TESK2: variants seen among roughly 807,000 people sequenced by gnomAD.
TESK2 encodes dual specificity testis-specific protein kinase 2.
TESK2 carries 39 observed loss-of-function variants against 57.1 expected under a neutral mutation model. That is an observed-to-expected ratio of 0.68 (90% confidence interval 0.53 to 0.89). The LOEUF (loss-of-function observed/expected upper bound fraction) is 0.89. TESK2 is among the 40% of genes least tolerant of loss of function. TESK2 has a pLI of 0.00. For synonymous variants in TESK2, 249 were observed against 267.9 expected, an observed-to-expected ratio of 0.93 and a Z score of 0.69; for missense variants, 646 against 732.1, an observed-to-expected ratio of 0.88 and a Z score of 1.36.
At chr1:45,475,455 C>T (rs1346207881) in intron 1 of TESK2, among the ~76,000 whole-genome samples, 2 of 152,126 alleles carry the variant, frequency 1.3e-5, no homozygotes, top group Non-Finnish European at 2.9e-5. Context: ...GATCCACCTG[C>T]CTCAGCCTCC....
intron 2 of TESK2, among the ~76,000 whole-genome samples, chr1:45,440,922 C>T (rs186593635): frequency 6.6e-6 from 1 of 152,034 alleles, no homozygotes; most frequent in East Asian, 1.9e-4. Flanking sequence ...CAGTGACCTG[C>T]AAGGAACTGA....
chr1:45,352,458 T>TG (rs370265111), intron 5 of TESK2, among the ~76,000 whole-genome samples: 23 of 152,262 alleles, frequency 1.5e-4, no homozygotes, highest in African/African-American at 5.5e-4. Context: ...GAACCACACT[T>TG]GGACACTAGC....
At chr1:45,384,652 C>T (rs1263832533) in intron 4 of TESK2, among the ~76,000 whole-genome samples, 1 of 112,838 alleles carries the variant, frequency 8.9e-6, no homozygotes, top group Non-Finnish European at 1.7e-5. Flanking sequence ...TGCTATGTTG[C>T]CCAGGCTGGT....
intron 3 of TESK2, among the ~76,000 whole-genome samples, chr1:45,414,379 G>T (rs553405758): frequency 6.6e-6 from 1 of 152,186 alleles, no homozygotes; most frequent in Non-Finnish European, 1.5e-5. Context: ...TATACTTGCA[G>T]TGTGACAGTT....
chr1:45,420,346 C>A (rs577138308), intron 3 of TESK2, among the ~76,000 whole-genome samples: 6 of 152,116 alleles, frequency 3.9e-5, no homozygotes, highest in African/African-American at 1.2e-4. Context: ...TCAAGAGATC[C>A]TCCCACCTCA....
intron 1 of TESK2, among the ~76,000 whole-genome samples, chr1:45,467,169 A>G (rs1652584884): frequency 6.6e-6 from 1 of 152,210 alleles, no homozygotes; most frequent in Non-Finnish European, 1.5e-5. Context: ...ATGGACTGCC[A>G]ATAATATTTT....
At position 45,345,241 on chromosome 1, in the gene TESK2, G is replaced by C; in HGVS notation, c.1315C>G (p.Pro439Ala). The C allele has an allele frequency of 6.2e-7, 1 of 1,614,200 alleles. No individual in the cohort carries two copies. The highest frequency in any genetic ancestry group is 8.5e-7 in the Non-Finnish European group (1 of 1,180,044). ...DLDAPGPGTM[P>A]LADWQEPLAP... ...AGGGGCTCCTGCCAGTCAGCCAGGG[G>C]CATAGTTCCGGGCCCTGGTGCATCC... The change falls in exon 11 of 11, where the codon CCC (proline) becomes GCC (alanine). Residue 439 changes from proline to alanine, a missense_variant. Physicochemically the swap from Pro to Ala is conservative, Grantham distance 27. Coordinates refer to ENST00000372086, the MANE Select transcript of TESK2 (RefSeq NM_007170.3).
chr1:45,474,781 ATC>A (rs1263173640), intron 1 of TESK2, among the ~76,000 whole-genome samples: 1 of 140,878 alleles, frequency 7.1e-6, no homozygotes, highest in South Asian at 2.2e-4. Flanking sequence ...CCTGGCCTCC[ATC>A]TCTTTTTTTT....
At chr1:45,417,245 T>G (rs1198065301) in intron 3 of TESK2, among the ~76,000 whole-genome samples, 2 of 152,036 alleles carry the variant, frequency 1.3e-5, no homozygotes, top group African/African-American at 4.8e-5. Flanking sequence ...TTTTTTGTTG[T>G]TTTTTGAGAC....
At chr1:45,459,210 A>T (rs141005278) in intron 1 of TESK2, among the ~76,000 whole-genome samples, 34 of 152,380 alleles carry the variant, frequency 2.2e-4, no homozygotes, top group African/African-American at 8.2e-4. Flanking sequence ...AATAGAAGCC[A>T]TGTAAACTCA....
chr1:45,354,799 A>AT (rs1647337431), intron 5 of TESK2, among the ~76,000 whole-genome samples: 1 of 63,280 alleles, frequency 1.6e-5, no homozygotes, highest in Non-Finnish European at 2.7e-5. Context: ...AAAAAAAAAA[A>AT]AAAAAAAAAA....
chr1:45,463,401 G>A (rs1652413764), intron 1 of TESK2, among the ~76,000 whole-genome samples: 1 of 152,140 alleles, frequency 6.6e-6, no homozygotes, highest in African/African-American at 2.4e-5. Context: ...ATTTTGATCA[G>A]ATTTTTGATT....
chr1:45,413,474 G>T (rs965550262), intron 3 of TESK2, among the ~76,000 whole-genome samples: 3 of 152,236 alleles, frequency 2.0e-5, no homozygotes, highest in African/African-American at 7.2e-5. Context: ...GGTATGCCCA[G>T]AGGATTAAAT....
chr1:45,374,380 T>G (rs1648323253), intron 4 of TESK2, among the ~76,000 whole-genome samples: 1 of 152,220 alleles, frequency 6.6e-6, no homozygotes, highest in Non-Finnish European at 1.5e-5. Context: ...AAACTTGATT[T>G]AAATCCTAGC....
Position 45,344,040 on chromosome 1 carries a change from C to G in TESK2, c.*800G>C, listed in dbSNP as rs555210647. On this transcript the variant is annotated 3_prime_UTR_variant, in exon 11 of 11. Transcript: ENST00000372086. Reference sequence around the variant, plus strand: ...GTAAGGACAGACTGTTCCCAAAGCTCCAGCCATGGCAGGAAGGGAAGCAAA... The same window carrying G: ...GTAAGGACAGACTGTTCCCAAAGCTGCAGCCATGGCAGGAAGGGAAGCAAA... 1 of 239,912 alleles carries G rather than the reference C, an allele frequency of 4.2e-6. No homozygotes were observed. The highest frequency in any genetic ancestry group is 5.0e-5 in the Admixed American group (1 of 19,864). 14.9% of individuals were successfully genotyped at this position (239,912 alleles called of 1,614,324 possible).
chr1:45,367,261 A>C (rs1647965970), intron 4 of TESK2, among the ~76,000 whole-genome samples: 1 of 152,198 alleles, frequency 6.6e-6, no homozygotes. Context: ...TTAGTGTTAT[A>C]TTCAAAAAAA....
At chr1:45,411,095 C>T (rs980457096) in intron 3 of TESK2, among the ~76,000 whole-genome samples, 2 of 152,194 alleles carry the variant, frequency 1.3e-5, no homozygotes, top group Admixed American at 6.6e-5. Context: ...TCTACAATTT[C>T]TTACTGCTTG....
rs920105291 is a variant in TESK2, at chr1:45,415,025, G to A, written c.344+6700C>T. On this transcript the variant is annotated intron_variant, in intron 3 of 10. Transcript: ENST00000372086. ...CAGGAGCCCCGTACTATCAGCCATG[G>A]TCAACCCCACCATGTTCTTCAACAT... The A allele has an allele frequency of 1.0e-4, 111 of 1,061,758 alleles. 2 individuals are homozygous for A. The South Asian group carries it at 1.3e-3, about 12-fold the overall frequency. 65.8% of individuals were successfully genotyped at this position (1,061,758 alleles called of 1,614,324 possible).
At chr1:45,455,651 A>C (rs1652059921) in intron 2 of TESK2, among the ~76,000 whole-genome samples, 1 of 152,200 alleles carries the variant, frequency 6.6e-6, no homozygotes, top group African/African-American at 2.4e-5. Context: ...GGTGATGAGA[A>C]AGTTCTGGAA....
Sources: gnomAD v4.1 joint callset for allele counts (sites outside exome capture counted in the v4.1 genomes callset) on GRCh38, gnomAD v4.1.1 for gene constraint, MANE v1.5 for transcripts, NCBI Gene and HGNC (gene_info 2026-07-23, HGNC 2026-07-21) for gene names.